ARHGAP6: variants seen among roughly 807,000 people sequenced by gnomAD.
ARHGAP6 encodes the protein rho GTPase-activating protein 6.
A neutral mutation model predicts 55.7 loss-of-function variants in ARHGAP6; 16 were observed. The observed-to-expected ratio is 0.29, with a 90% CI of 0.19 to 0.44. The LOEUF (loss-of-function observed/expected upper bound fraction) is 0.44, where lower values mean the gene tolerates loss of function less well. Among genes scored for constraint, ARHGAP6 ranks in the 20% least tolerant of loss-of-function variants. ARHGAP6 has a pLI of 1.00. For synonymous variants in ARHGAP6, 382 were observed against 360.9 expected, an observed-to-expected ratio of 1.06 and a Z score of -0.66; for missense variants, 698 against 808.9, an observed-to-expected ratio of 0.86 and a Z score of 1.66.
chrX:11,475,233 T>A (rs1393531836), intron 1 of ARHGAP6, among the ~76,000 whole-genome samples: 2 of 111,233 alleles, frequency 1.8e-5, no homozygotes, highest in Non-Finnish European at 3.8e-5. Flanking sequence ...GCCCTATTTT[T>A]AAAAAATACT....
intron 1 of ARHGAP6, among the ~76,000 whole-genome samples, chrX:11,372,294 T>C (rs891250983): frequency 7.1e-5 from 8 of 112,228 alleles, no homozygotes; most frequent in African/African-American, 2.6e-4. Context: ...ATTAACTTTT[T>C]CCCACATGAA....
chrX:11,381,090 T>C (rs2049257325), intron 1 of ARHGAP6, among the ~76,000 whole-genome samples: 1 of 112,628 alleles, frequency 8.9e-6, no homozygotes, highest in Non-Finnish European at 1.9e-5. Flanking sequence ...TTTAATCAAG[T>C]GGCATGGGGC....
intron 1 of ARHGAP6, among the ~76,000 whole-genome samples, chrX:11,624,498 T>C (rs1007096625): frequency 1.8e-4 from 20 of 113,215 alleles, no homozygotes; most frequent in African/African-American, 6.4e-4. Context: ...AACCTGAATA[T>C]ATAAGGAACT....
chrX:11,246,057 G>A (rs898898390), intron 2 of ARHGAP6, among the ~76,000 whole-genome samples: 1 of 111,241 alleles, frequency 9.0e-6, no homozygotes, highest in Non-Finnish European at 1.9e-5. Flanking sequence ...GTGATTTTAC[G>A]TGTGGTAGAT....
At chrX:11,528,407 C>A (rs981794812) in intron 1 of ARHGAP6, among the ~76,000 whole-genome samples, 1 of 111,824 alleles carries the variant, frequency 8.9e-6, no homozygotes, top group Admixed American at 9.6e-5. Flanking sequence ...GTTATATATT[C>A]CCCTTTTATT....
intron 1 of ARHGAP6, chrX:11,298,963 G>T: frequency 8.3e-7 from 1 of 1,209,523 alleles, no homozygotes; most frequent in East Asian, 3.0e-5. Context: ...AAGACCAAGC[G>T]GGAGGAAGTG....
chrX:11,439,677 T>C (rs2050021921), intron 1 of ARHGAP6, among the ~76,000 whole-genome samples: 1 of 112,455 alleles, frequency 8.9e-6, no homozygotes, highest in Non-Finnish European at 1.9e-5. Context: ...AACAGGCAAC[T>C]TACCAAAGAG....
At chrX:11,321,079 T>C (rs1319456356) in intron 1 of ARHGAP6, among the ~76,000 whole-genome samples, 1 of 111,898 alleles carries the variant, frequency 8.9e-6, no homozygotes, top group Non-Finnish European at 1.9e-5. Flanking sequence ...AAGAAAAATA[T>C]TTTGCAAAAG....
chrX:11,379,034 T>A (rs768318041), intron 1 of ARHGAP6, among the ~76,000 whole-genome samples: 1 of 111,808 alleles, frequency 8.9e-6, no homozygotes, highest in Admixed American at 9.5e-5. Context: ...AGCTGGAGAG[T>A]GGTTGATCCT....
intron 2 of ARHGAP6, among the ~76,000 whole-genome samples, chrX:11,215,389 C>T: frequency 8.9e-6 from 1 of 112,643 alleles, no homozygotes; most frequent in Non-Finnish European, 1.9e-5. Flanking sequence ...CCGCGGAGTT[C>T]AGGTGTGCGC....
chrX:11,178,258 G>A lies in ARHGAP6; in HGVS notation c.1481-10C>T, dbSNP rs1479247746. ...TCCTCCGGCTCCAACACTAAGCAAG[G>A]CAAAAAGAGGTACTCAAATAAAAGG... On this transcript the variant is annotated splice_polypyrimidine_tract_variant and intron_variant, in intron 7 of 12. Coordinates refer to ENST00000337414, the MANE Select transcript of ARHGAP6 (RefSeq NM_013427.3). 2.5e-6 allele frequency: 3 copies of A among 1,191,807 alleles called. No individual in the cohort carries two copies. Among genetic ancestry groups the A allele is most frequent in the Admixed American group, 2.3e-5 (1 of 42,750 alleles).
At chrX:11,380,297 A>G (rs1430354996) in intron 1 of ARHGAP6, among the ~76,000 whole-genome samples, 2 of 111,676 alleles carry the variant, frequency 1.8e-5, no homozygotes, top group Non-Finnish European at 3.8e-5. Flanking sequence ...TAGAGAAAAT[A>G]AGAGAAAAAG....
chrX:11,588,425 C>G (rs926567414), intron 1 of ARHGAP6, among the ~76,000 whole-genome samples: 1 of 111,509 alleles, frequency 9.0e-6, no homozygotes, highest in Non-Finnish European at 1.9e-5. Context: ...AGGTATATAC[C>G]CAAGATAACT....
intron 1 of ARHGAP6, among the ~76,000 whole-genome samples, chrX:11,434,823 A>T (rs2049972018): frequency 1.8e-5 from 2 of 111,931 alleles, no homozygotes; most frequent in South Asian, 7.6e-4. Flanking sequence ...CCATTAATCC[A>T]GCAAATAGAG....
chrX:11,447,115 C>A (rs1046263661), intron 1 of ARHGAP6, among the ~76,000 whole-genome samples: 1 of 111,897 alleles, frequency 8.9e-6, no homozygotes, highest in African/African-American at 3.3e-5. Context: ...TAGCGTCAGA[C>A]ACGCACTTTC....
At chrX:11,465,934 C>T (rs965031865) in intron 1 of ARHGAP6, among the ~76,000 whole-genome samples, 2 of 90,023 alleles carry the variant, frequency 2.2e-5, no homozygotes, top group Admixed American at 1.4e-4. Flanking sequence ...TCTCCTCCTC[C>T]TCCTCCTCTT....
chrX:11,234,570 G>A, intron 2 of ARHGAP6, among the ~76,000 whole-genome samples: 2 of 112,315 alleles, frequency 1.8e-5, no homozygotes, highest in Non-Finnish European at 3.8e-5. Flanking sequence ...GTATATGCTT[G>A]TTCTTTACCT....
In ARHGAP6 at chrX:11,590,869, G is replaced by GAAAAGAAGGAAAGAAA. The variant is rs2051813205; in HGVS notation, c.588+73371_588+73372insTTTCTTTCCTTCTTTT. On this transcript the variant is annotated intron_variant, in intron 1 of 12. Coordinates refer to ENST00000337414, the MANE Select transcript of ARHGAP6 (RefSeq NM_013427.3). ...AAGAAAAGAAAAGAAAAGAAAAGAA[G>GAAAAGAAGGAAAGAAA]GAAAGAAAGAAAGAAAGAAAGAAAG... 4.1e-4 allele frequency among the ~76,000 whole-genome samples: 10 copies of GAAAAGAAGGAAAGAAA among 24,209 alleles called. 1 individual carries two copies. Among genetic ancestry groups the GAAAAGAAGGAAAGAAA allele is most frequent in the Admixed American group, 5.8e-4 (1 of 1,721 alleles). The allele number at this position is 24,209 out of a possible 115,157, so 21.0% of individuals were successfully genotyped here.
intron 1 of ARHGAP6, among the ~76,000 whole-genome samples, chrX:11,405,036 GTTA>G (rs1367336272): frequency 8.9e-6 from 1 of 112,261 alleles, no homozygotes; most frequent in African/African-American, 3.2e-5. Context: ...CATTATGACT[GTTA>G]TATCTTTTCA....
Sources: gnomAD v4.1 joint callset for allele counts (sites outside exome capture counted in the v4.1 genomes callset) on GRCh38, gnomAD v4.1.1 for gene constraint, MANE v1.5 for transcripts, NCBI Gene and HGNC (gene_info 2026-07-23, HGNC 2026-07-21) for gene names.